SH2B3: variants seen among roughly 807,000 people sequenced by gnomAD.
SH2B3 encodes SH2B adaptor protein 3, also known as SH2B adapter protein 3.
Under a neutral mutation model 51.9 loss-of-function variants are expected in SH2B3, and 43 were observed. The ratio of observed to expected loss-of-function variants is 0.83; its 90% confidence interval spans 0.65 to 1.07. SH2B3 has a LOEUF of 1.07. Among genes scored for constraint, SH2B3 ranks in the 50% least tolerant of loss-of-function variants. The pLI is 0.00. For synonymous variants in SH2B3, 396 were observed against 376.0 expected, an observed-to-expected ratio of 1.05 and a Z score of -0.62; for missense variants, 952 against 834.3, an observed-to-expected ratio of 1.14 and a Z score of -1.74.
Position 111,418,585 on chromosome 12 carries a change from G to T in SH2B3, c.440G>T (p.Arg147Leu), listed in dbSNP as rs748396542. The T allele has an allele frequency of 6.7e-7, 1 of 1,485,858 alleles. No homozygotes were observed. The highest frequency in any genetic ancestry group is 2.1e-5 in the Admixed American group (1 of 46,560). The allele number at this position is 1,485,858 out of a possible 1,614,324, so 92.0% of individuals were successfully genotyped here. The change falls in exon 2 of 8, where the codon CGC (arginine) becomes CTC (leucine). Residue 147 changes from arginine (R) to leucine (L), a missense_variant. By Grantham distance (102) the Arg-to-Leu change is moderately radical (BLOSUM62 -2). Transcript: ENST00000341259. This position sits in a 1 kb window ranked among gnomAD's most constrained non-coding sequence, Gnocchi z 6.7. Reference sequence around the variant, plus strand: ...CGCCGCAGCCTCCGCCACATCTTCCGCCGCCGCTCGGCCGGGGAGCTGCCA... The same window carrying T: ...CGCCGCAGCCTCCGCCACATCTTCCTCCGCCGCTCGGCCGGGGAGCTGCCA... The part of the protein sequence containing the change: ...HFRRSLRHIF[R>L]RRSAGELPAA...
chr12:111,437,769 G>A (rs138807816), intron 2 of SH2B3, among the ~76,000 whole-genome samples: 47 of 152,246 alleles, frequency 3.1e-4, no homozygotes, highest in African/African-American at 1.1e-3. Flanking sequence ...GGGAAAAGGG[G>A]GCTGAGATCA....
In SH2B3 at chr12:111,418,621, C is replaced by G; in HGVS notation, c.476C>G (p.Thr159Ser). The change falls in exon 2 of 8, where the codon ACC becomes AGC. Residue 159 changes from threonine to serine, a missense_variant. Transcript: ENST00000341259. This position sits in a 1 kb window ranked among gnomAD's most constrained non-coding sequence, Gnocchi z 6.7. Reference protein sequence around the residue: ...RSAGELPAAHTAAAPGTPGEA... With the variant: ...RSAGELPAAHSAAAPGTPGEA... ...GCCGGGGAGCTGCCAGCGGCCCACA[C>G]CGCTGCCGCCCCCGGGACCCCCGGA... 3 of 1,477,044 alleles carry G rather than the reference C, an allele frequency of 2.0e-6. No homozygotes were observed. The highest frequency in any genetic ancestry group is 2.2e-4 in the Middle Eastern group (1 of 4,554). The allele number at this position is 1,477,044 out of a possible 1,614,324, so 91.5% of individuals were successfully genotyped here. A position where few individuals can be genotyped will look rare whatever the true frequency, so the allele number is the denominator to read the frequency against.
chr12:111,442,536 G>C lies in SH2B3; in HGVS notation c.733-4217G>C, dbSNP rs866916090. On this transcript the variant is annotated intron_variant, in intron 2 of 7. Transcript: ENST00000341259. ...GACCACCAGGGAGCTAGTGTGGCCT[G>C]GGGGTTCCCGGGGGTGGGCGGTCTC... is the stretch of plus-strand genomic sequence containing the variant. 3.9e-5 allele frequency among the ~76,000 whole-genome samples: 6 copies of C among 152,308 alleles called. No homozygotes were observed. The South Asian group carries it at 8.3e-4, about 21-fold the overall frequency.
Position 111,447,844 on chromosome 12 carries a change from C to T in SH2B3, c.1408+17C>T. The T allele has an allele frequency of 1.2e-6, 2 of 1,608,688 alleles. No homozygotes were observed. Among genetic ancestry groups the T allele is most frequent in the African/African-American group, 1.3e-5 (1 of 74,928 alleles). On this transcript the variant is annotated intron_variant, in intron 7 of 7. Transcript: ENST00000341259. The stretch of plus-strand genomic sequence containing the variant: ...AACCACCAGGTCTGACCCTACTGCC[C>T]TTTGCTGAAGGGGGTGGCTGACACT...
At chr12:111,416,227 C>T (rs990045569) in intron 1 of SH2B3, among the ~76,000 whole-genome samples, 4 of 152,312 alleles carry the variant, frequency 2.6e-5, no homozygotes, top group Non-Finnish European at 2.9e-5. Flanking sequence ...CAGGCGTGAG[C>T]CACCGTGCCC....
At chr12:111,445,404 C>CTGCG (rs1324916398) in intron 2 of SH2B3, among the ~76,000 whole-genome samples, 1 of 152,244 alleles carries the variant, frequency 6.6e-6, no homozygotes. Flanking sequence ...TCCCTGCACA[C>CTGCG]TGCGCTGTGT....
At chr12:111,437,010 G>T (rs555892350) in intron 2 of SH2B3, among the ~76,000 whole-genome samples, 2 of 152,028 alleles carry the variant, frequency 1.3e-5, no homozygotes, top group African/African-American at 4.8e-5. Context: ...CTGCCTGGAG[G>T]GGGGATCTGA....
intron 1 of SH2B3, among the ~76,000 whole-genome samples, 183 bp from the exon 2 acceptor site, chr12:111,417,936 A>C (rs1871202775): frequency 6.6e-6 from 1 of 152,188 alleles, no homozygotes; most frequent in Non-Finnish European, 1.5e-5. Context: ...AATTCTGCCA[A>C]ATTGGCCATG....
At chr12:111,441,509 G>T (rs1324013635) in intron 2 of SH2B3, among the ~76,000 whole-genome samples, 3 of 152,094 alleles carry the variant, frequency 2.0e-5, no homozygotes, top group African/African-American at 7.2e-5. Context: ...TAGCCCTGAG[G>T]GATTTCTGGG....
intron 2 of SH2B3, among the ~76,000 whole-genome samples, chr12:111,439,819 A>G (rs577640112): frequency 6.6e-6 from 1 of 152,318 alleles, no homozygotes; most frequent in South Asian, 2.1e-4. Flanking sequence ...CCCAACTCCC[A>G]GAGGGCCCAG....
intron 2 of SH2B3, among the ~76,000 whole-genome samples, chr12:111,440,805 G>A (rs1357754317): frequency 6.6e-6 from 1 of 152,220 alleles, no homozygotes; most frequent in East Asian, 1.9e-4. Context: ...GGGAGCAGGG[G>A]AGTGACAACT....
chr12:111,421,663 C>T (rs1013136330), intron 2 of SH2B3, among the ~76,000 whole-genome samples: 3 of 152,100 alleles, frequency 2.0e-5, no homozygotes, highest in African/African-American at 7.2e-5. Flanking sequence ...ATGGTCCCCC[C>T]ACTTCGGCCT....
chr12:111,426,602 GCTTCTGAGGGCCC>G (rs1872023679), intron 2 of SH2B3, among the ~76,000 whole-genome samples: 2 of 152,134 alleles, frequency 1.3e-5, no homozygotes, highest in African/African-American at 4.8e-5. Context: ...GAGAGACTTT[GCTTCTGAGGGCCC>G]CTTCTGAGCC....
rs1239678304 is a variant in SH2B3, at chr12:111,435,880, G to C, written c.733-10873G>C. 6.6e-6 allele frequency among the ~76,000 whole-genome samples: 1 copy of C among 152,240 alleles called. No homozygotes were observed. Among genetic ancestry groups the C allele is most frequent in the East Asian group, 1.9e-4 (1 of 5,202 alleles). ...GAAGGATTCCTATGGGGACAGCTGG[G>C]AGCAGGATGTGGTCGTGCGAGGCGT... is the stretch of plus-strand genomic sequence containing the variant. On this transcript the variant is annotated intron_variant, in intron 2 of 7. Coordinates refer to ENST00000341259, the MANE Select transcript of SH2B3 (RefSeq NM_005475.3). The surrounding 1 kb of genome is among the most constrained non-coding windows in gnomAD (Gnocchi z 4.8).
At position 111,418,835 on chromosome 12, in the gene SH2B3, C is replaced by G; in HGVS notation, c.690C>G (p.Pro230=). 7.0e-7 allele frequency: 1 copy of G among 1,420,340 alleles called. No homozygotes were observed. Among genetic ancestry groups the G allele is most frequent in the East Asian group, 3.0e-5 (1 of 33,380 alleles). The allele number at this position is 1,420,340 out of a possible 1,614,324, so 88.0% of individuals were successfully genotyped here. Residue 230 remains proline, a synonymous_variant, in exon 2 of 8, where the codon CCC becomes CCG. Transcript: ENST00000341259. The surrounding 1 kb of genome is among the most constrained non-coding windows in gnomAD (Gnocchi z 6.7). ...TGGCGCTGCGCCGGGCCCCGGGCCCCGATGGCCCCGACCGCGTGCTGGAGC... is the reference window on the plus strand; with the variant it reads ...TGGCGCTGCGCCGGGCCCCGGGCCCGGATGGCCCCGACCGCGTGCTGGAGC... ...GRLALRRAPG[P]DGPDRVLELF...
chr12:111,407,910 C>T lies in SH2B3; in HGVS notation c.-28+1633C>T, dbSNP rs1870375295. ...CTGAAGGCGTGGGCAAGTGACTCTG[C>T]CCTCAGTTTCCCTCTGTGTAAAATG... On this transcript the variant is annotated intron_variant, in intron 1 of 7. Transcript: ENST00000341259. This position sits in a 1 kb window ranked among gnomAD's most constrained non-coding sequence, Gnocchi z 4.3. Among the ~76,000 whole-genome samples, 2 of 152,188 alleles carry T rather than the reference C, an allele frequency of 1.3e-5. No individual in the cohort carries two copies. The highest frequency in any genetic ancestry group is 2.4e-5 in the African/African-American group (1 of 41,430).
chr12:111,442,062 G>C (rs192134035), intron 2 of SH2B3, among the ~76,000 whole-genome samples: 2 of 152,186 alleles, frequency 1.3e-5, no homozygotes, highest in African/African-American at 4.8e-5. Flanking sequence ...TTCCCAAGTA[G>C]GTTAACTTTT....
chr12:111,420,494 C>T (rs1871455004), intron 2 of SH2B3, among the ~76,000 whole-genome samples: 1 of 151,956 alleles, frequency 6.6e-6, no homozygotes, highest in Non-Finnish European at 1.5e-5. Context: ...CTCAGGTATG[C>T]ATGACAGGAC....
intron 2 of SH2B3, chr12:111,444,727 C>T (rs1873761866): frequency 1.0e-6 from 1 of 985,576 alleles, no homozygotes; most frequent in Non-Finnish European, 1.2e-6. Context: ...ATCTGGTGGT[C>T]CTTCCCTGCA....
Sources: allele counts gnomAD v4.1 joint callset (sites outside exome capture counted in the v4.1 genomes callset), GRCh38; gene constraint gnomAD v4.1.1; non-coding constraint Gnocchi (gnomAD v3.1); transcripts MANE v1.5; gene names NCBI Gene and HGNC (gene_info 2026-07-23, HGNC 2026-07-21).